The following NRP1 variants were observed in gnomAD, a reference collection of about 807,000 sequenced individuals.
NRP1 encodes the protein neuropilin-1.
NRP1 carries 35 observed loss-of-function variants against 106.7 expected under a neutral mutation model. That is an observed-to-expected ratio of 0.33 (90% CI 0.25 to 0.43). The LOEUF is 0.43. NRP1 is among the 20% of genes least tolerant of loss of function. NRP1 has a pLI of 1.00. For synonymous variants in NRP1, 437 were observed against 417.9 expected (o/e 1.05, Z -0.56); for missense variants, 1,024 against 1,170.4 (o/e 0.87, Z 1.83).
intron 2 of NRP1, among the ~76,000 whole-genome samples, chr10:33,271,191 G>C (rs554797594): frequency 6.6e-6 from 1 of 152,172 alleles, no homozygotes; most frequent in Non-Finnish European, 1.5e-5. Context: ...GTGTTCCTTT[G>C]TCTATGGTGG....
intron 2 of NRP1, among the ~76,000 whole-genome samples, chr10:33,283,292 T>C (rs1033623666): frequency 6.6e-6 from 1 of 152,254 alleles, no homozygotes; most frequent in Non-Finnish European, 1.5e-5. Context: ...TACTGTTTGC[T>C]ATAAATCATT....
intron 2 of NRP1, among the ~76,000 whole-genome samples, chr10:33,311,184 G>A (rs1846584642): frequency 6.6e-6 from 1 of 152,170 alleles, no homozygotes; most frequent in Admixed American, 6.5e-5. Flanking sequence ...GTGACCTTGG[G>A]AAACAAGAGT....
At chr10:33,279,258 T>C (rs1257157218) in intron 2 of NRP1, among the ~76,000 whole-genome samples, 2 of 152,210 alleles carry the variant, frequency 1.3e-5, no homozygotes, top group African/African-American at 2.4e-5. Context: ...GGGATGACCT[T>C]GCTGGATTCT....
intron 6 of NRP1, among the ~76,000 whole-genome samples, chr10:33,237,195 A>C (rs1840626970): frequency 6.6e-6 from 1 of 152,122 alleles, no homozygotes; most frequent in African/African-American, 2.4e-5. Context: ...TCGTCCATTA[A>C]ATCCAACACA....
intron 4 of NRP1, among the ~76,000 whole-genome samples, chr10:33,259,453 C>T (rs539099691): frequency 4.6e-5 from 7 of 152,232 alleles, no homozygotes; most frequent in African/African-American, 1.7e-4. Context: ...TTATCCGTCT[C>T]GTGTGTGTGC....
chr10:33,275,317 C>G (rs1412439187), intron 2 of NRP1, among the ~76,000 whole-genome samples: 3 of 152,166 alleles, frequency 2.0e-5, no homozygotes, highest in Admixed American at 2.0e-4. Flanking sequence ...GCCTGTAATC[C>G]CAGCACTTTA....
At chr10:33,272,330 T>C (rs1843364315) in intron 2 of NRP1, among the ~76,000 whole-genome samples, 1 of 152,248 alleles carries the variant, frequency 6.6e-6, no homozygotes, top group African/African-American at 2.4e-5. Flanking sequence ...AATTATTGTA[T>C]TAACTGCATT....
At position 33,183,102 on chromosome 10, in the gene NRP1, A is replaced by G. The variant is rs188696996; in HGVS notation, c.2432-354T>C. 2.9e-3 allele frequency among the ~76,000 whole-genome samples: 438 copies of G among 152,256 alleles called. 1 individual carries two copies. The highest frequency in any genetic ancestry group is 4.5e-3 in the Admixed American group (69 of 15,286). ...TTCCAGCACTTTGAGAGGGCAAGGCAGGAGAACCACATTAGGCTAGGAGTT... is the reference window on the plus strand; with the variant it reads ...TTCCAGCACTTTGAGAGGGCAAGGCGGGAGAACCACATTAGGCTAGGAGTT... On this transcript the variant is annotated intron_variant, in intron 15 of 16. Coordinates refer to ENST00000374867, the MANE Select transcript of NRP1 (RefSeq NM_003873.7).
rs571135455 is a variant in NRP1, at chr10:33,280,325, T to C, written c.249-9469A>G. On this transcript the variant is annotated intron_variant, in intron 2 of 16. Coordinates refer to ENST00000374867, the MANE Select transcript of NRP1 (RefSeq NM_003873.7). ...GAAGGAACGCCTCCCTTAAAACAAC[T>C]GTGTTCCAGAAGTGATGGAATCTTC... Among the ~76,000 whole-genome samples, 3 of 152,338 alleles carry C rather than the reference T, an allele frequency of 2.0e-5. No homozygotes were observed. In the East Asian group the frequency reaches 5.8e-4, roughly 29 times the overall value.
At chr10:33,332,573 A>T (rs1848360557) in intron 1 of NRP1, among the ~76,000 whole-genome samples, 1 of 152,214 alleles carries the variant, frequency 6.6e-6, no homozygotes, top group African/African-American at 2.4e-5. Context: ...TGAGAAAGTG[A>T]CAGTGTAATA....
chr10:33,241,143 A>C (rs1407954685), intron 6 of NRP1, among the ~76,000 whole-genome samples: 1 of 152,240 alleles, frequency 6.6e-6, no homozygotes, highest in East Asian at 1.9e-4. Context: ...GGAGAAAGGC[A>C]GTCAAAATAG....
intron 2 of NRP1, among the ~76,000 whole-genome samples, chr10:33,289,096 T>C (rs1844794906): frequency 1.3e-5 from 2 of 152,204 alleles, no homozygotes; most frequent in Admixed American, 6.6e-5. Context: ...ATTCATACTT[T>C]TAACAACACT....
chr10:33,256,843 G>C (rs76530665), intron 4 of NRP1, among the ~76,000 whole-genome samples: 1 of 152,184 alleles, frequency 6.6e-6, no homozygotes, highest in African/African-American at 2.4e-5. Context: ...TTCCTGCTAA[G>C]CTGTGGTCAC....
In NRP1 at chr10:33,180,027, C is replaced by T; in HGVS notation, c.*49G>A. 6.3e-7 allele frequency: 1 copy of T among 1,577,336 alleles called. No individual in the cohort carries two copies. Among genetic ancestry groups the T allele is most frequent in the Admixed American group, 1.7e-5 (1 of 58,932 alleles). The stretch of plus-strand genomic sequence containing the variant: ...AGATCAACAGCTCCCCAGCTCACTC[C>T]CGTCCTTCCACTTCCGTCCTTTGAC... On this transcript the variant is annotated 3_prime_UTR_variant, in exon 17 of 17. Coordinates refer to ENST00000374867, the MANE Select transcript of NRP1 (RefSeq NM_003873.7).
At chr10:33,324,937 TAC>T (rs1186084022) in intron 2 of NRP1, among the ~76,000 whole-genome samples, 1 of 152,204 alleles carries the variant, frequency 6.6e-6, no homozygotes, top group Non-Finnish European at 1.5e-5. Context: ...GGCCTGTACA[TAC>T]AGACTTCTAA....
At chr10:33,329,769 G>A (rs1848144243) in intron 2 of NRP1, among the ~76,000 whole-genome samples, 1 of 152,172 alleles carries the variant, frequency 6.6e-6, no homozygotes. Context: ...ACTTTCAGTG[G>A]GTCAGAATGG....
At chr10:33,235,427 ACAG>A (rs1282335701) in intron 6 of NRP1, among the ~76,000 whole-genome samples, 5 of 152,230 alleles carry the variant, frequency 3.3e-5, no homozygotes, top group Non-Finnish European at 5.9e-5. Context: ...TGTGATGGAA[ACAG>A]CATCAGGCTC....
At chr10:33,251,503 A>G (rs139175674) in intron 6 of NRP1, among the ~76,000 whole-genome samples, 1,957 of 152,330 alleles carry the variant, frequency 0.013, 16 homozygotes, top group Non-Finnish European at 0.022. Flanking sequence ...GCCCAGCCAT[A>G]GAACATGGCA....
chr10:33,215,776 G>A (rs1049154941), intron 8 of NRP1, among the ~76,000 whole-genome samples: 4 of 152,134 alleles, frequency 2.6e-5, no homozygotes, highest in Non-Finnish European at 1.5e-5. Context: ...AGATCATGTC[G>A]TTTCTTTACT....
Sources: allele counts gnomAD v4.1 joint callset (sites outside exome capture counted in the v4.1 genomes callset), GRCh38; gene constraint gnomAD v4.1.1; transcripts MANE v1.5; gene names NCBI Gene and HGNC (gene_info 2026-07-23, HGNC 2026-07-21).